Variants in KCTD1 observed in about 807,000 individuals in gnomAD.
KCTD1 encodes the protein BTB/POZ domain-containing protein KCTD1.
KCTD1 carries 24 observed loss-of-function variants against 66.0 expected under a neutral mutation model. That is an observed-to-expected ratio of 0.36 (90% confidence interval 0.26 to 0.51). The LOEUF is 0.51. Among genes scored for constraint, KCTD1 ranks in the 20% least tolerant of loss-of-function variants. The probability of loss-of-function intolerance (pLI) is 0.95; values close to 1 mark genes in which losing one functional copy is unlikely to be tolerated. For missense variants in KCTD1, 943 were observed against 1,205.2 expected, an observed-to-expected ratio of 0.78 and a Z score of 3.22; for synonymous variants, 511 against 517.2, an observed-to-expected ratio of 0.99 and a Z score of 0.16.
chr18:26,530,195 C>T (rs17799909), intron 1 of KCTD1, among the ~76,000 whole-genome samples: 2,564 of 152,326 alleles, frequency 0.017, 23 homozygotes, highest in Middle Eastern at 0.037. Flanking sequence ...CATGGACCCC[C>T]TCAAGTTGGA....
intron 1 of KCTD1, among the ~76,000 whole-genome samples, chr18:26,647,058 G>A (rs185297663): frequency 4.6e-4 from 70 of 152,296 alleles, no homozygotes; most frequent in South Asian, 6.2e-4. Context: ...ACTAAGTGGG[G>A]ATGAGCTAGA....
At chr18:26,462,255 T>C (rs932880334) in intron 3 of KCTD1, among the ~76,000 whole-genome samples, 9 of 152,230 alleles carry the variant, frequency 5.9e-5, no homozygotes, top group African/African-American at 2.2e-4. Context: ...CCCTGCTCAG[T>C]GACCACTCTG....
In KCTD1 at chr18:26,548,265, T is replaced by G; in HGVS notation, c.272A>C (p.Glu91Ala). Residue 91 changes from glutamate to alanine, a missense_variant, in exon 1 of 5, where the codon GAG becomes GCG. Transcript: ENST00000580059. ...CAGCCCCATCTCCTCCTCTTCCTCC[T>G]CCTCCTCGTCCTCCTCCAGCCCCCC... The part of the protein sequence containing the change: ...GGGGLEEDEE[E>A]EEEEEMGLDW... 1 of 1,512,638 alleles carries G rather than the reference T, an allele frequency of 6.6e-7. No homozygotes were observed. The highest frequency in any genetic ancestry group is 8.8e-7 in the Non-Finnish European group (1 of 1,134,074). The allele number at this position is 1,512,638 out of a possible 1,614,324, so 93.7% of individuals were successfully genotyped here. A position where few individuals can be genotyped will look rare whatever the true frequency, so the allele number is the denominator to read the frequency against.
intron 1 of KCTD1, among the ~76,000 whole-genome samples, chr18:26,592,999 C>T (rs1266697002): frequency 6.6e-6 from 1 of 152,220 alleles, no homozygotes; most frequent in Non-Finnish European, 1.5e-5. Context: ...GCTAATTTCT[C>T]CCCTTCCCTC....
At chr18:26,564,709 G>A (rs1158607621) in intron 1 of KCTD1, among the ~76,000 whole-genome samples, 5 of 152,050 alleles carry the variant, frequency 3.3e-5, no homozygotes, top group Admixed American at 6.6e-5. Context: ...GATCGACATG[G>A]TGAAACCCTG....
chr18:26,545,754 T>C (rs527698450), intron 1 of KCTD1: 1 of 152,062 alleles, frequency 6.6e-6, no homozygotes, highest in East Asian at 1.9e-4. Context: ...ACTTTAATAA[T>C]ACTCACGAAA....
At chr18:26,484,266 G>A (rs1165160561) in intron 2 of KCTD1, among the ~76,000 whole-genome samples, 1 of 152,120 alleles carries the variant, frequency 6.6e-6, no homozygotes, top group African/African-American at 2.4e-5. Flanking sequence ...TAAGAGAAGG[G>A]GGAAAATACC....
intron 1 of KCTD1, among the ~76,000 whole-genome samples, chr18:26,514,590 T>TGGAA (rs917289984): frequency 1.3e-5 from 2 of 150,604 alleles, no homozygotes; most frequent in African/African-American, 2.4e-5. Flanking sequence ...AGAGAGATGT[T>TGGAA]GGAAGGAAGT....
intron 1 of KCTD1, among the ~76,000 whole-genome samples, chr18:26,527,147 T>C (rs1161961017): frequency 1.3e-5 from 2 of 152,080 alleles, no homozygotes; most frequent in East Asian, 1.9e-4. Flanking sequence ...GGAAGGGCCA[T>C]ACACATCCTC....
intron 1 of KCTD1, among the ~76,000 whole-genome samples, chr18:26,561,064 A>G (rs1303651139): frequency 6.6e-6 from 1 of 152,252 alleles, no homozygotes; most frequent in Admixed American, 6.5e-5. Context: ...CACTATCTAT[A>G]GATATAAAGA....
intron 1 of KCTD1, among the ~76,000 whole-genome samples, chr18:26,650,075 C>G (rs146039572): frequency 2.0e-5 from 3 of 152,298 alleles, no homozygotes; most frequent in Non-Finnish European, 2.9e-5. Context: ...AGGACGACCT[C>G]CACATGAGTA....
chr18:26,600,067 G>C, intron 1 of KCTD1: 1 of 1,611,216 alleles, frequency 6.2e-7, no homozygotes, highest in Non-Finnish European at 8.5e-7. Flanking sequence ...GCTGGATCCA[G>C]AAGATTTGAA....
chr18:26,620,801 T>C (rs1987363462), intron 1 of KCTD1, among the ~76,000 whole-genome samples: 1 of 150,180 alleles, frequency 6.7e-6, no homozygotes, highest in African/African-American at 2.4e-5. Context: ...CTTTATTCAC[T>C]GCATAGCAGT....
intron 3 of KCTD1, among the ~76,000 whole-genome samples, chr18:26,467,291 G>A (rs1408209085): frequency 1.3e-5 from 2 of 152,152 alleles, no homozygotes; most frequent in Admixed American, 6.5e-5. Context: ...GCCAAGGCAG[G>A]AGGATTGCTT....
At chr18:26,581,437 T>G (rs569764590) in intron 1 of KCTD1, 1 of 152,288 alleles carries the variant, frequency 6.6e-6, no homozygotes, top group Admixed American at 6.5e-5. Context: ...TTTAAATCTT[T>G]TAGATAGATG....
chr18:26,637,727 T>C (rs992824147), intron 1 of KCTD1, among the ~76,000 whole-genome samples: 3 of 152,238 alleles, frequency 2.0e-5, no homozygotes, highest in Non-Finnish European at 4.4e-5. Flanking sequence ...GCAGTGTCTC[T>C]AATGGGAGGA....
chr18:26,605,788 T>C (rs1326256594), intron 1 of KCTD1, among the ~76,000 whole-genome samples: 7 of 149,936 alleles, frequency 4.7e-5, no homozygotes, highest in African/African-American at 1.7e-4. Flanking sequence ...TCTTAGTAAC[T>C]GTGGTAGATC....
upstream of KCTD1, chr18:26,549,172 C>G (rs1285696831): frequency 1.0e-6 from 1 of 985,342 alleles, no homozygotes; most frequent in Admixed American, 6.2e-5. Context: ...TCTCGGCGCC[C>G]GCGGCCAGGG....
rs200444964 is a variant in KCTD1 at position 26,514,549 on chromosome 18, CAAAAA to C, written c.1810-13304_1810-13300del. Among the ~76,000 whole-genome samples, 238 of 121,806 alleles carry C rather than the reference CAAAAA, an allele frequency of 2.0e-3. 2 individuals carry two copies. The highest frequency in any genetic ancestry group is 4.6e-3 in the African/African-American group (165 of 35,698). 79.9% of individuals were successfully genotyped at this position (121,806 alleles called of 152,430 possible). A position where few individuals can be genotyped will look rare whatever the true frequency, so the allele number is the denominator to read the frequency against. ...CAGGCAACAGAGTGAGACCTTGTCTCAAAAAAAAAAAAAAAAAAAAAAGAAATGGC... is the reference window on the plus strand; with the variant it reads ...CAGGCAACAGAGTGAGACCTTGTCTCAAAAAAAAAAAAAAAAAGAAATGGC... On this transcript the variant is annotated intron_variant, in intron 1 of 4. Coordinates refer to ENST00000580059, the MANE Select transcript of KCTD1 (RefSeq NM_001142730.3).
Sources: allele counts gnomAD v4.1 joint callset (sites outside exome capture counted in the v4.1 genomes callset), GRCh38; gene constraint gnomAD v4.1.1; transcripts MANE v1.5; gene names NCBI Gene and HGNC (gene_info 2026-07-23, HGNC 2026-07-21).